The following NBAS variants were observed in gnomAD, a reference collection of about 807,000 sequenced individuals.
NBAS encodes NBAS subunit of NRZ tethering complex.
Under a neutral mutation model 302.5 loss-of-function variants are expected in NBAS, and 219 were observed. That is an observed-to-expected ratio of 0.72 (90% CI 0.65 to 0.81). NBAS has a LOEUF of 0.81. Ranked by LOEUF, NBAS falls within the 30% of genes least tolerant of loss-of-function variation. The pLI is 0.00. For missense variants in NBAS, 2,932 were observed against 2,841.6 expected (o/e 1.03, Z -0.72); for synonymous variants, 1,118 against 1,021.6 (o/e 1.09, Z -1.80).
At chr2:15,214,824 C>T (rs1404462937) in intron 48 of NBAS, among the ~76,000 whole-genome samples, 2 of 152,102 alleles carry the variant, frequency 1.3e-5, no homozygotes, top group East Asian at 1.9e-4. Context: ...TAATATGTCC[C>T]TGAACATTTC....
At chr2:15,334,181 TCTC>T (rs927699130) in intron 35 of NBAS, among the ~76,000 whole-genome samples, 2 of 122,714 alleles carry the variant, frequency 1.6e-5, no homozygotes, top group African/African-American at 6.7e-5. Flanking sequence ...CCTCCTCTCT[TCTC>T]CTTTTTCTTT....
intron 25 of NBAS, among the ~76,000 whole-genome samples, 166 bp downstream of exon 25, chr2:15,415,380 C>A (rs1222046953): frequency 6.6e-6 from 1 of 152,138 alleles, no homozygotes; most frequent in Non-Finnish European, 1.5e-5. Context: ...ATTTTACAAC[C>A]TTTTGACTAT....
At chr2:15,274,338 T>G (rs1669468859) in intron 44 of NBAS, among the ~76,000 whole-genome samples, 1 of 152,158 alleles carries the variant, frequency 6.6e-6, no homozygotes, top group African/African-American at 2.4e-5. Flanking sequence ...ACAGTCTATT[T>G]CCAGGATAAT....
chr2:15,069,568 A>C, the NBAS span, among the ~76,000 whole-genome samples: 14 of 141,012 alleles, frequency 9.9e-5, no homozygotes, highest in Non-Finnish European at 1.9e-4. Context: ...AAAAAAAAAA[A>C]ATGGACCTGT....
the NBAS span, among the ~76,000 whole-genome samples, chr2:15,006,841 C>T: frequency 6.6e-6 from 1 of 152,214 alleles, no homozygotes; most frequent in Non-Finnish European, 1.5e-5. Flanking sequence ...TACATGCTAG[C>T]TTGTCCCAAT....
chr2:14,999,565 C>T, the NBAS span, among the ~76,000 whole-genome samples: 1 of 152,198 alleles, frequency 6.6e-6, no homozygotes, highest in East Asian at 1.9e-4. Context: ...CATTCGCATG[C>T]TCTCTCCTGC....
intron 21 of NBAS, among the ~76,000 whole-genome samples, chr2:15,443,884 G>T (rs557455899): frequency 6.6e-5 from 10 of 152,286 alleles, no homozygotes; most frequent in Non-Finnish European, 1.2e-4. Context: ...GCCAAAGCAT[G>T]AGAGAACTCC....
At chr2:15,130,680 T>C in the NBAS span, among the ~76,000 whole-genome samples, 1 of 152,262 alleles carries the variant, frequency 6.6e-6, no homozygotes, top group South Asian at 2.1e-4. Context: ...TATGCCATGC[T>C]GCCTTTCTGA....
Position 15,218,909 on chromosome 2 carries a change from T to A in NBAS, c.6296A>T (p.Asp2099Val). ...AATGCGGGGCCGCACCGGCCAGGCG[T>A]CATCAGCACAGAAAGGCCGCAGCCA... ...LEWLRPFCADDAWPVRPRIHV... is the reference protein window; with the variant it reads ...LEWLRPFCADVAWPVRPRIHV... The change falls in exon 48 of 52, where the codon GAC becomes GTC. Residue 2099 changes from aspartate (D) to valine (V), a missense_variant. Transcript: ENST00000281513. 6.2e-7 allele frequency: 1 copy of A among 1,614,208 alleles called. No individual in the cohort carries two copies. Among genetic ancestry groups the A allele is most frequent in the Non-Finnish European group, 8.5e-7 (1 of 1,180,040 alleles).
At chr2:15,458,666 C>A (rs1488880477) in intron 21 of NBAS, among the ~76,000 whole-genome samples, 1 of 152,174 alleles carries the variant, frequency 6.6e-6, no homozygotes, top group Non-Finnish European at 1.5e-5. Context: ...TAAAACTTTT[C>A]TCTTTATAAA....
intron 40 of NBAS, among the ~76,000 whole-genome samples, chr2:15,298,397 G>T (rs182038042): frequency 6.6e-6 from 1 of 152,148 alleles, no homozygotes; most frequent in East Asian, 1.9e-4. Context: ...TACTTACAGG[G>T]GAAAAACACA....
intron 6 of NBAS, among the ~76,000 whole-genome samples, chr2:15,550,952 C>G (rs942873425): frequency 6.6e-6 from 1 of 152,048 alleles, no homozygotes; most frequent in South Asian, 2.1e-4. Context: ...CTGACACCCC[C>G]GATTAAGAAA....
the NBAS span, among the ~76,000 whole-genome samples, chr2:15,056,596 ACACT>A: frequency 6.6e-6 from 1 of 152,184 alleles, no homozygotes; most frequent in Non-Finnish European, 1.5e-5. Flanking sequence ...CACACATGAG[ACACT>A]CACTACAGAA....
chr2:15,559,419 A>C (rs1454799015), intron 1 of NBAS, among the ~76,000 whole-genome samples: 1 of 152,256 alleles, frequency 6.6e-6, no homozygotes, highest in African/African-American at 2.4e-5. Context: ...TCCATTCCAT[A>C]AGTATAGACT....
intron 23 of NBAS, 90 bp from the exon 24 acceptor site, chr2:15,417,802 T>C: frequency 7.9e-7 from 1 of 1,264,488 alleles, no homozygotes; most frequent in Non-Finnish European, 1.1e-6. Flanking sequence ...ATCTAATTCT[T>C]ATAATCATTT....
chr2:15,111,188 A>C, the NBAS span, among the ~76,000 whole-genome samples: 1 of 152,148 alleles, frequency 6.6e-6, no homozygotes, highest in Non-Finnish European at 1.5e-5. Context: ...TAAAATGACA[A>C]ACCATGGAAT....
At chr2:15,007,537 C>T in the NBAS span, among the ~76,000 whole-genome samples, 2,295 of 151,950 alleles carry the variant, frequency 0.015, 48 homozygotes, top group African/African-American at 0.044. Flanking sequence ...TTTTTCTTTG[C>T]GAACTACATA....
the NBAS span, among the ~76,000 whole-genome samples, chr2:15,032,813 A>G: frequency 2.0e-5 from 3 of 152,214 alleles, no homozygotes; most frequent in Non-Finnish European, 4.4e-5. Flanking sequence ...AAGGAAGGTT[A>G]TCATATGGGG....
the NBAS span, among the ~76,000 whole-genome samples, chr2:14,953,238 C>T: frequency 6.6e-6 from 1 of 152,008 alleles, no homozygotes; most frequent in Admixed American, 6.6e-5. Flanking sequence ...AGACAGAGCA[C>T]CATTTGGACT....
Sources: gnomAD v4.1 joint callset for allele counts (sites outside exome capture counted in the v4.1 genomes callset) on GRCh38, gnomAD v4.1.1 for gene constraint, MANE v1.5 for transcripts, NCBI Gene and HGNC (gene_info 2026-07-23, HGNC 2026-07-21) for gene names.